RAD51B: variants seen among roughly 807,000 people sequenced by gnomAD.
RAD51B encodes RAD51 paralog B, also known as DNA repair protein RAD51 homolog 2.
In RAD51B, 38 loss-of-function variants were observed where a neutral mutation model predicts 42.2. The observed-to-expected ratio is 0.90, with a 90% confidence interval of 0.70 to 1.18. The LOEUF is 1.18. RAD51B is among the 50% of genes most tolerant of loss of function. RAD51B has a pLI of 0.00. For missense variants in RAD51B, 373 were observed against 400.7 expected (o/e 0.93, Z 0.59); for synonymous variants, 154 against 145.2 (o/e 1.06, Z -0.43).
intron 4 of RAD51B, among the ~76,000 whole-genome samples, chr14:67,856,327 A>G (rs561853134): frequency 1.3e-5 from 2 of 152,260 alleles, no homozygotes; most frequent in African/African-American, 4.8e-5. Flanking sequence ...TCACAAGGCA[A>G]AATGCAATGC....
At chr14:68,272,472 T>TATATGACAA (rs1263583506) in intron 7 of RAD51B, among the ~76,000 whole-genome samples, 2 of 151,340 alleles carry the variant, frequency 1.3e-5, no homozygotes, top group Non-Finnish European at 2.9e-5. Flanking sequence ...TAAATAAATG[T>TATATGACAA]ATATGACAAA....
chr14:68,453,514 T>C (rs1372229688), intron 9 of RAD51B, among the ~76,000 whole-genome samples: 1 of 152,172 alleles, frequency 6.6e-6, no homozygotes, highest in African/African-American at 2.4e-5. Context: ...AACCCCCTTT[T>C]TCACCCTGGA....
At chr14:68,217,037 A>T (rs1419830921) in intron 7 of RAD51B, among the ~76,000 whole-genome samples, 2 of 152,228 alleles carry the variant, frequency 1.3e-5, no homozygotes, top group Admixed American at 1.3e-4. Flanking sequence ...TCTGGAATTC[A>T]GAATCTGTCA....
chr14:68,209,888 G>A (rs574768976), intron 7 of RAD51B, among the ~76,000 whole-genome samples: 2 of 151,880 alleles, frequency 1.3e-5, no homozygotes, highest in African/African-American at 4.8e-5. Flanking sequence ...ATGAGCACAC[G>A]ATCTTTTTCC....
intron 8 of RAD51B, among the ~76,000 whole-genome samples, chr14:68,386,879 G>A (rs910610051): frequency 2.6e-5 from 4 of 152,172 alleles, no homozygotes; most frequent in Non-Finnish European, 4.4e-5. Flanking sequence ...TAGGATGCCC[G>A]AAGACTGGTT....
At chr14:67,922,622 T>C (rs1045100395) in intron 7 of RAD51B, among the ~76,000 whole-genome samples, 4 of 151,570 alleles carry the variant, frequency 2.6e-5, no homozygotes, top group African/African-American at 9.7e-5. Flanking sequence ...AGTTCCTTAG[T>C]GGTTATTTCT....
intron 7 of RAD51B, among the ~76,000 whole-genome samples, chr14:67,952,216 A>G (rs369085077): frequency 6.4e-5 from 5 of 78,622 alleles, no homozygotes; most frequent in African/African-American, 4.8e-4. Flanking sequence ...TCATTTATAG[A>G]AAAAAAAAAA....
intron 10 of RAD51B, among the ~76,000 whole-genome samples, chr14:68,620,561 G>A (rs1381420374): frequency 6.6e-6 from 1 of 152,192 alleles, no homozygotes; most frequent in Non-Finnish European, 1.5e-5. Context: ...TTCCTACTGG[G>A]CATAGGAAGA....
intron 7 of RAD51B, among the ~76,000 whole-genome samples, chr14:67,923,726 C>T (rs1449267264): frequency 6.6e-6 from 1 of 152,172 alleles, no homozygotes; most frequent in African/African-American, 2.4e-5. Flanking sequence ...GACTTCTTTT[C>T]CTCTGGTTAG....
intron 7 of RAD51B, among the ~76,000 whole-genome samples, chr14:67,921,232 C>G (rs1199270150): frequency 6.6e-6 from 1 of 152,126 alleles, no homozygotes; most frequent in Admixed American, 6.5e-5. Context: ...TCATGTCAGA[C>G]AGGGTATCTC....
At chr14:68,042,013 A>G (rs1031288235) in intron 7 of RAD51B, among the ~76,000 whole-genome samples, 4 of 152,184 alleles carry the variant, frequency 2.6e-5, no homozygotes, top group African/African-American at 2.4e-5. Context: ...GGGAATATCA[A>G]TAATGTCTAC....
At chr14:68,213,955 A>G (rs1262596364) in intron 7 of RAD51B, among the ~76,000 whole-genome samples, 6 of 152,232 alleles carry the variant, frequency 3.9e-5, no homozygotes, top group Non-Finnish European at 8.8e-5. Context: ...CTGTTGAGAA[A>G]TGGACTCTGG....
chr14:68,057,828 TG>T (rs1779774869), intron 7 of RAD51B, among the ~76,000 whole-genome samples: 1 of 140,080 alleles, frequency 7.1e-6, no homozygotes, highest in Admixed American at 6.9e-5. Flanking sequence ...TCTTTGTGTG[TG>T]TGTGTGTGTG....
At chr14:68,029,363 A>C (rs1229515181) in intron 7 of RAD51B, among the ~76,000 whole-genome samples, 1 of 152,210 alleles carries the variant, frequency 6.6e-6, no homozygotes, top group Non-Finnish European at 1.5e-5. Flanking sequence ...AGCTAAGTTT[A>C]TGGAATATTC....
intron 11 of RAD51B, among the ~76,000 whole-genome samples, chr14:68,656,743 C>T (rs1050070383): frequency 6.6e-6 from 1 of 152,140 alleles, no homozygotes; most frequent in African/African-American, 2.4e-5. Flanking sequence ...ACCAGCCAGG[C>T]CCCAATTTTT....
At chr14:68,084,111 T>C (rs1488755346) in intron 7 of RAD51B, among the ~76,000 whole-genome samples, 1 of 152,172 alleles carries the variant, frequency 6.6e-6, no homozygotes, top group Admixed American at 6.5e-5. Context: ...TTAATAAATC[T>C]TATTAGAACT....
intron 8 of RAD51B, among the ~76,000 whole-genome samples, chr14:68,321,543 C>T (rs1018236159): frequency 2.6e-5 from 4 of 152,158 alleles, no homozygotes; most frequent in Admixed American, 1.3e-4. Flanking sequence ...CATTTTGTTG[C>T]CTCTTAGAGG....
chr14:68,154,221 T>C (rs752878431), intron 7 of RAD51B, among the ~76,000 whole-genome samples: 1 of 152,240 alleles, frequency 6.6e-6, no homozygotes, highest in Admixed American at 6.5e-5. Flanking sequence ...TGTTTTGGGA[T>C]GCAGTTAAGT....
At chr14:68,048,516 C>T (rs889342954) in intron 7 of RAD51B, among the ~76,000 whole-genome samples, 9 of 152,096 alleles carry the variant, frequency 5.9e-5, no homozygotes, top group African/African-American at 1.9e-4. Context: ...AGTCCTTGCC[C>T]ATGCCTATGT....
Sources: allele counts gnomAD v4.1 joint callset (sites outside exome capture counted in the v4.1 genomes callset), GRCh38; gene constraint gnomAD v4.1.1; transcripts MANE v1.5; gene names NCBI Gene and HGNC (gene_info 2026-07-23, HGNC 2026-07-21).